TULP4: variants seen among roughly 807,000 people sequenced by gnomAD.
The protein encoded by TULP4 is TUB like protein 4.
A neutral mutation model predicts 129.0 loss-of-function variants in TULP4; 16 were observed. The ratio of observed to expected loss-of-function variants is 0.12; its 90% CI spans 0.08 to 0.19. The LOEUF (loss-of-function observed/expected upper bound fraction) is 0.19. TULP4 is among the 10% of genes least tolerant of loss of function. The pLI, the probability that TULP4 is intolerant of heterozygous loss-of-function variation, is 1.00. For synonymous variants in TULP4, 998 were observed against 854.0 expected (o/e 1.17, Z -2.94); for missense variants, 1,842 against 2,059.1 (o/e 0.89, Z 2.04).
chr6:158,487,017 G>A (rs1780088298), intron 8 of TULP4, among the ~76,000 whole-genome samples: 1 of 152,190 alleles, frequency 6.6e-6, no homozygotes, highest in Non-Finnish European at 1.5e-5. Flanking sequence ...GGAGGCCAAG[G>A]TAGGCAGATC....
At chr6:158,274,640 G>A (rs1018135390) in intron 1 of TULP4, among the ~76,000 whole-genome samples, 8 of 152,142 alleles carry the variant, frequency 5.3e-5, no homozygotes, top group Non-Finnish European at 1.0e-4. Context: ...AGCCGGGTGT[G>A]GTGGCGGGCG....
chr6:158,360,187 G>A (rs201816526), intron 1 of TULP4, among the ~76,000 whole-genome samples: 2 of 151,664 alleles, frequency 1.3e-5, no homozygotes, highest in East Asian at 3.9e-4. Flanking sequence ...TTTCATGCCA[G>A]CACAATGTGC....
At chr6:158,308,858 G>T (rs1367879073), upstream of TULP4, among the ~76,000 whole-genome samples, 300 of 118,822 alleles carry the variant, frequency 2.5e-3, no homozygotes, top group Non-Finnish European at 2.8e-3. Context: ...CTTACCTCCC[G>T]GACGGGGCGG....
rs1166667888 is a variant in TULP4 at position 158,239,060 on chromosome 6, AC to A, written n.68+6764del. On this transcript the variant is annotated intron_variant and non_coding_transcript_variant, in intron 1 of 1. Coordinates refer to the TULP4 transcript ENST00000620026. ...AGGCGGCTGGCCGGGCGGGGGGCTG[AC>A]CCCCCCACCTCCCTCCCGGACGGGG... 5.7e-5 allele frequency among the ~76,000 whole-genome samples: 5 copies of A among 87,204 alleles called. 1 individual carries two copies. Among genetic ancestry groups the A allele is most frequent in the Non-Finnish European group, 8.2e-5 (3 of 36,570 alleles). 57.2% of individuals were successfully genotyped at this position (87,204 alleles called of 152,430 possible).
intron 1 of TULP4, among the ~76,000 whole-genome samples, chr6:158,299,155 C>T (rs1411394672): frequency 6.6e-6 from 1 of 152,040 alleles, no homozygotes; most frequent in Non-Finnish European, 1.5e-5. Context: ...GGGGGTAATG[C>T]CCTTATCTTC....
chr6:158,440,579 C>T (rs763402765), intron 3 of TULP4, among the ~76,000 whole-genome samples: 4 of 152,160 alleles, frequency 2.6e-5, no homozygotes, highest in Non-Finnish European at 4.4e-5. Flanking sequence ...GAATACCACA[C>T]AAGGGAGGCC....
At chr6:158,356,647 G>T (rs145450824) in intron 1 of TULP4, among the ~76,000 whole-genome samples, 1 of 152,222 alleles carries the variant, frequency 6.6e-6, no homozygotes, top group East Asian at 1.9e-4. Context: ...ACAACGTCAG[G>T]ATCCTTTCAT....
At chr6:158,250,645 C>G (rs1341618538) in intron 1 of TULP4, among the ~76,000 whole-genome samples, 1 of 152,164 alleles carries the variant, frequency 6.6e-6, no homozygotes, top group Non-Finnish European at 1.5e-5. Flanking sequence ...CCTTTCTTAG[C>G]TTTGTTTTCT....
intron 1 of TULP4, chr6:158,282,836 C>T (rs996590120): frequency 6.6e-6 from 1 of 151,946 alleles, no homozygotes; most frequent in South Asian, 2.1e-4. Flanking sequence ...ATATACAGAA[C>T]GTTATATTAT....
At chr6:158,504,974 T>C (rs1242165616) in intron 13 of TULP4, among the ~76,000 whole-genome samples, 6 of 99,260 alleles carry the variant, frequency 6.0e-5, no homozygotes, top group East Asian at 2.3e-4. Context: ...TACCTTGTTA[T>C]GCTAGTCAAT....
At chr6:158,253,943 C>A (rs1778194452) in intron 1 of TULP4, among the ~76,000 whole-genome samples, 2 of 151,830 alleles carry the variant, frequency 1.3e-5, no homozygotes, top group African/African-American at 4.8e-5. Flanking sequence ...AAGGCTGAGG[C>A]AGGGAGAATT....
chr6:158,241,957 T>C lies in TULP4; in HGVS notation n.68+9654T>C, dbSNP rs113391434. On this transcript the variant is annotated intron_variant and non_coding_transcript_variant, in intron 1 of 1. Transcript: ENST00000620026. Reference sequence around the variant, plus strand: ...AAGCTTAAACTCTACTCTTTCCGCATTGGTTAATTTCACTTTCTTCTTGGA... The same window carrying C: ...AAGCTTAAACTCTACTCTTTCCGCACTGGTTAATTTCACTTTCTTCTTGGA... The C allele has an allele frequency of 3.2e-3, 2,790 of 871,148 alleles. 55 individuals carry two copies. In the African/African-American group the frequency reaches 0.04, roughly 12 times the overall value. 54.0% of individuals were successfully genotyped at this position (871,148 alleles called of 1,614,324 possible).
intron 1 of TULP4, among the ~76,000 whole-genome samples, chr6:158,285,803 G>A (rs956773882): frequency 7.9e-5 from 12 of 152,142 alleles, no homozygotes; most frequent in African/African-American, 1.9e-4. Flanking sequence ...TCTGTTGGCC[G>A]AGGGTCAGGC....
At chr6:158,487,105 G>GTGT (rs1780089502) in intron 8 of TULP4, among the ~76,000 whole-genome samples, 2 of 151,678 alleles carry the variant, frequency 1.3e-5, no homozygotes, top group South Asian at 4.2e-4. Context: ...AAAATTAGCT[G>GTGT]GGTGTGGTGG....
At chr6:158,340,387 A>G (rs910485307) in intron 1 of TULP4, among the ~76,000 whole-genome samples, 5 of 152,060 alleles carry the variant, frequency 3.3e-5, no homozygotes, top group Non-Finnish European at 7.4e-5. Context: ...GAGTGTGCCT[A>G]AGTGAGTCTT....
intron 1 of TULP4, among the ~76,000 whole-genome samples, chr6:158,252,565 G>A (rs570929409): frequency 1.3e-5 from 2 of 152,010 alleles, no homozygotes; most frequent in Admixed American, 6.6e-5. Context: ...CGGTAGAGAC[G>A]AGGTTTCACC....
chr6:158,402,791 C>A (rs1562551696), intron 1 of TULP4, among the ~76,000 whole-genome samples: 1 of 151,486 alleles, frequency 6.6e-6, no homozygotes, highest in Non-Finnish European at 1.5e-5. Flanking sequence ...TGTAAAAGGT[C>A]TTCAGGTTAT....
intron 1 of TULP4, among the ~76,000 whole-genome samples, chr6:158,404,827 A>G (rs971519831): frequency 1.3e-5 from 2 of 151,862 alleles, no homozygotes; most frequent in African/African-American, 4.8e-5. Context: ...AATATCCATA[A>G]GGTCATTTTT....
intron 1 of TULP4, among the ~76,000 whole-genome samples, chr6:158,298,906 T>C (rs188687551): frequency 6.6e-6 from 1 of 152,234 alleles, no homozygotes; most frequent in African/African-American, 2.4e-5. Flanking sequence ...AGAAGAATTA[T>C]CATAATGCCA....
Sources: allele counts gnomAD v4.1 joint callset (sites outside exome capture counted in the v4.1 genomes callset), GRCh38; gene constraint gnomAD v4.1.1; transcripts MANE v1.5; gene names NCBI Gene and HGNC (gene_info 2026-07-23, HGNC 2026-07-21).